Variants in PRKD1 observed in about 807,000 individuals in gnomAD.
PRKD1 encodes protein kinase D1.
PRKD1 carries 63 observed loss-of-function variants against 95.9 expected under a neutral mutation model. That is an observed-to-expected ratio of 0.66 (90% CI 0.54 to 0.81). The LOEUF is 0.81. Ranked by LOEUF, PRKD1 falls within the 30% of genes least tolerant of loss-of-function variation. The probability of loss-of-function intolerance (pLI) is 0.00; values close to 1 mark genes in which losing one functional copy is unlikely to be tolerated. For synonymous variants in PRKD1, 425 were observed against 423.1 expected (o/e 1.00, Z -0.05); for missense variants, 1,048 against 1,165.3 (o/e 0.90, Z 1.47).
intron 16 of PRKD1, among the ~76,000 whole-genome samples, chr14:29,584,365 G>A (rs1171129388): frequency 6.6e-6 from 1 of 152,098 alleles, no homozygotes; most frequent in Non-Finnish European, 1.5e-5. Context: ...AAAACTCTAA[G>A]AAAAGACTGT....
At position 29,672,596 on chromosome 14, in the gene PRKD1, A is replaced by G. The variant is rs930540652; in HGVS notation, c.404-6388T>C. On this transcript the variant is annotated intron_variant, in intron 2 of 17. Transcript: ENST00000331968. ...AAATCTGCAGTGATGGAAGAAATCA[A>G]ATGAAAAAGACTCATTAGCATGACC... Among the ~76,000 whole-genome samples the G allele has an allele frequency of 3.3e-5, 5 of 152,052 alleles. No homozygotes were observed. The South Asian group carries it at 6.2e-4, about 19-fold the overall frequency.
At chr14:29,622,911 C>G (rs1041009620) in intron 13 of PRKD1, among the ~76,000 whole-genome samples, 1 of 152,166 alleles carries the variant, frequency 6.6e-6, no homozygotes, top group Non-Finnish European at 1.5e-5. Flanking sequence ...ATCTCCTGTA[C>G]GCATGCTAAC....
intron 1 of PRKD1, among the ~76,000 whole-genome samples, chr14:29,860,096 G>A (rs904545298): frequency 1.3e-5 from 2 of 152,158 alleles, no homozygotes; most frequent in African/African-American, 4.8e-5. Flanking sequence ...TAGTAGTTTT[G>A]AAAAATTAAC....
intron 1 of PRKD1, among the ~76,000 whole-genome samples, chr14:29,891,713 G>A (rs561781100): frequency 4.6e-5 from 7 of 150,994 alleles, no homozygotes; most frequent in East Asian, 1.9e-4. Flanking sequence ...CCATATTTGC[G>A]GTGAATTTCT....
At chr14:29,672,546 A>G (rs1036171664) in intron 2 of PRKD1, among the ~76,000 whole-genome samples, 1 of 152,112 alleles carries the variant, frequency 6.6e-6, no homozygotes, top group Admixed American at 6.5e-5. Flanking sequence ...TCTGGTGACA[A>G]GATGACTTAG....
intron 1 of PRKD1, among the ~76,000 whole-genome samples, chr14:29,833,594 A>T (rs907092576): frequency 2.6e-5 from 4 of 152,206 alleles, no homozygotes; most frequent in African/African-American, 9.6e-5. Context: ...TCAGACAGGT[A>T]TTTATTGTTT....
chr14:29,855,238 G>A (rs1892452807), intron 1 of PRKD1, among the ~76,000 whole-genome samples: 1 of 152,186 alleles, frequency 6.6e-6, no homozygotes, highest in Non-Finnish European at 1.5e-5. Context: ...GTCGGCCCAT[G>A]AAAACAGCCA....
chr14:29,880,085 T>G (rs1177921961), intron 1 of PRKD1, among the ~76,000 whole-genome samples: 1 of 152,190 alleles, frequency 6.6e-6, no homozygotes, highest in Non-Finnish European at 1.5e-5. Context: ...CTGCAGAAAT[T>G]TGCATAAGTA....
At chr14:29,725,774 C>A in intron 1 of PRKD1, 100 bp from the exon 2 acceptor site, 1 of 1,215,246 alleles carries the variant, frequency 8.2e-7, no homozygotes, top group Non-Finnish European at 1.1e-6. Context: ...TAGAAAAGTT[C>A]AAAGTATCTA....
intron 13 of PRKD1, among the ~76,000 whole-genome samples, chr14:29,620,724 G>A (rs903886493): frequency 2.0e-5 from 3 of 152,122 alleles, no homozygotes; most frequent in Non-Finnish European, 4.4e-5. Context: ...TCACACTGTT[G>A]GTGGGACTGT....
At chr14:29,619,458 G>C (rs1226858815) in intron 13 of PRKD1, among the ~76,000 whole-genome samples, 2 of 152,106 alleles carry the variant, frequency 1.3e-5, no homozygotes, top group Non-Finnish European at 2.9e-5. Flanking sequence ...ATATATGCCA[G>C]GAACAATTTC....
intron 2 of PRKD1, among the ~76,000 whole-genome samples, chr14:29,682,086 A>G (rs1883571286): frequency 6.6e-6 from 1 of 152,240 alleles, no homozygotes; most frequent in Admixed American, 6.5e-5. Flanking sequence ...ATGATTGCAC[A>G]TAATTTGATA....
intron 2 of PRKD1, among the ~76,000 whole-genome samples, chr14:29,688,658 A>AT (rs1437149149): frequency 2.6e-5 from 4 of 152,146 alleles, no homozygotes; most frequent in South Asian, 2.1e-4. Context: ...AACCCGAGGC[A>AT]TGATGGTTCG....
At chr14:29,870,223 A>C (rs1246329231) in intron 1 of PRKD1, among the ~76,000 whole-genome samples, 3 of 152,172 alleles carry the variant, frequency 2.0e-5, no homozygotes, top group African/African-American at 7.2e-5. Context: ...TGGATGCCAA[A>C]ATCAGAACCT....
intron 1 of PRKD1, among the ~76,000 whole-genome samples, chr14:29,802,453 A>G (rs965913003): frequency 6.6e-6 from 1 of 152,228 alleles, no homozygotes; most frequent in African/African-American, 2.4e-5. Flanking sequence ...TTTTTGCACC[A>G]CAGTAGATGG....
intron 1 of PRKD1, among the ~76,000 whole-genome samples, chr14:29,898,302 A>T (rs1386915140): frequency 6.6e-5 from 10 of 152,134 alleles, no homozygotes; most frequent in Non-Finnish European, 1.5e-4. Flanking sequence ...TATACTTTTT[A>T]AAAAGAATAC....
At chr14:29,679,158 G>C (rs1405094822) in intron 2 of PRKD1, among the ~76,000 whole-genome samples, 1 of 152,184 alleles carries the variant, frequency 6.6e-6, no homozygotes, top group Non-Finnish European at 1.5e-5. Flanking sequence ...GGAAATTTAA[G>C]ATGGAAGAAA....
chr14:29,814,886 T>G (rs935485168), intron 1 of PRKD1, among the ~76,000 whole-genome samples: 1 of 152,224 alleles, frequency 6.6e-6, no homozygotes, highest in African/African-American at 2.4e-5. Flanking sequence ...AAGAGCCAAC[T>G]TGAACTGTAT....
intron 2 of PRKD1, among the ~76,000 whole-genome samples, chr14:29,717,411 T>C (rs1325463098): frequency 1.3e-5 from 2 of 152,154 alleles, no homozygotes; most frequent in African/African-American, 2.4e-5. Flanking sequence ...TTACAGCAGA[T>C]GGATCAAGAT....
Sources: allele counts gnomAD v4.1 joint callset (sites outside exome capture counted in the v4.1 genomes callset), GRCh38; gene constraint gnomAD v4.1.1; transcripts MANE v1.5; gene names NCBI Gene and HGNC (gene_info 2026-07-23, HGNC 2026-07-21).